Variants in NR1D2 observed in about 807,000 individuals in gnomAD.
The protein encoded by NR1D2 is nuclear receptor subfamily 1 group D member 2, also known as V-erbA-related protein 1-related.
NR1D2 carries 25 observed loss-of-function variants against 52.2 expected under a neutral mutation model. The observed-to-expected ratio is 0.48, with a 90% CI of 0.35 to 0.67. NR1D2 has a LOEUF of 0.67. Among genes scored for constraint, NR1D2 ranks in the 30% least tolerant of loss-of-function variants. The pLI is 0.01. For synonymous variants in NR1D2, 259 were observed against 230.1 expected, an observed-to-expected ratio of 1.13 and a Z score of -1.14; for missense variants, 681 against 707.2, an observed-to-expected ratio of 0.96 and a Z score of 0.42.
At chr3:23,956,283 G>A (rs557996511) in intron 3 of NR1D2, among the ~76,000 whole-genome samples, 158 bp downstream of exon 3, 60 of 152,320 alleles carry the variant, frequency 3.9e-4, no homozygotes, top group African/African-American at 1.2e-3. Context: ...AGCATAACTT[G>A]TTTTGAATAA....
Position 23,977,223 on chromosome 3 carries a change from A to G in NR1D2, c.1544A>G (p.Asp515Gly), listed in dbSNP as rs1247822160. 1 of 1,566,036 alleles carries G rather than the reference A, an allele frequency of 6.4e-7. No individual in the cohort carries two copies. Among genetic ancestry groups the G allele is most frequent in the Non-Finnish European group, 8.6e-7 (1 of 1,156,992 alleles). ...TTTCCCTATTCCTGATCTCTCTTAG[A>G]TCGATCTGGAATAGAAAACGTCAAC... ...LFTAVVLVSA[D>G]RSGIENVNSV... Residue 515 changes from aspartate to glycine, a missense_variant and splice_region_variant, in exon 8 of 8, where the codon GAT becomes GGT. By Grantham distance (94) the Asp-to-Gly change is moderately conservative. This residue lies in a region of NR1D2 where 475 missense variants were observed against 454.5 expected (regional missense o/e 1.05). Coordinates refer to ENST00000312521, the MANE Select transcript of NR1D2 (RefSeq NM_005126.5).
chr3:23,948,271 CCTTCGTGACATCTCTATGT>C (rs1268420027), intron 1 of NR1D2, among the ~76,000 whole-genome samples: 3 of 152,168 alleles, frequency 2.0e-5, no homozygotes, highest in East Asian at 3.8e-4. Context: ...ATCTTACTGT[CCTTCGTGACATCTCTATGT>C]CTCCTCGCCC....
At chr3:23,968,332 G>A (rs945252148) in intron 7 of NR1D2, among the ~76,000 whole-genome samples, 3 of 152,134 alleles carry the variant, frequency 2.0e-5, no homozygotes, top group Middle Eastern at 3.2e-3. Flanking sequence ...AGAACATTAT[G>A]TATCTCCAGG....
At chr3:23,950,013 C>A (rs1344624674) in intron 1 of NR1D2, among the ~76,000 whole-genome samples, 1 of 152,194 alleles carries the variant, frequency 6.6e-6, no homozygotes, top group South Asian at 2.1e-4. Flanking sequence ...TCCCTTTCAA[C>A]TGAAAATAGA....
intron 1 of NR1D2, among the ~76,000 whole-genome samples, 163 bp downstream of exon 1, chr3:23,945,757 G>C (rs1344547979): frequency 6.7e-6 from 1 of 150,196 alleles, no homozygotes; most frequent in African/African-American, 2.4e-5. Context: ...ATCGCCCCCC[G>C]GGCCGCCCGG....
intron 4 of NR1D2, among the ~76,000 whole-genome samples, chr3:23,960,919 C>T (rs1706218943): frequency 6.6e-6 from 1 of 152,114 alleles, no homozygotes. Flanking sequence ...TGTGTAAATA[C>T]TAGACTGTGA....
intron 2 of NR1D2, among the ~76,000 whole-genome samples, chr3:23,955,440 T>A (rs1706057270): frequency 6.6e-6 from 1 of 152,170 alleles, no homozygotes; most frequent in African/African-American, 2.4e-5. Context: ...GGAAAAAAAA[T>A]AAATTTACAA....
intron 4 of NR1D2, among the ~76,000 whole-genome samples, chr3:23,960,376 A>T (rs1441633170): frequency 1.3e-5 from 2 of 151,972 alleles, no homozygotes; most frequent in Non-Finnish European, 2.9e-5. Flanking sequence ...CTGCACTCTA[A>T]CCTGGGTGAC....
At chr3:23,969,232 G>A (rs184326057) in intron 7 of NR1D2, among the ~76,000 whole-genome samples, 9 of 150,608 alleles carry the variant, frequency 6.0e-5, no homozygotes, top group Non-Finnish European at 1.3e-4. Context: ...GTGGCCGTGA[G>A]CCGAGATCAC....
chr3:23,956,360 C>T (rs1014653829), intron 3 of NR1D2, among the ~76,000 whole-genome samples: 1 of 152,072 alleles, frequency 6.6e-6, no homozygotes, highest in South Asian at 2.1e-4. Flanking sequence ...TTTGCTATCT[C>T]AATTAAACAT....
chr3:23,957,241 G>C (rs917077028), intron 3 of NR1D2, among the ~76,000 whole-genome samples: 6 of 151,578 alleles, frequency 4.0e-5, no homozygotes, highest in Non-Finnish European at 7.4e-5. Flanking sequence ...CCTCGGCTTC[G>C]CAAAGTGCTG....
chr3:23,957,383 TATATA>T (rs1391602082), intron 3 of NR1D2, among the ~76,000 whole-genome samples: 12 of 129,156 alleles, frequency 9.3e-5, no homozygotes, highest in African/African-American at 3.6e-4. Context: ...TCTCCTTCTC[TATATA>T]TCTTTTTTTT....
intron 7 of NR1D2, among the ~76,000 whole-genome samples, chr3:23,974,772 T>C (rs1182772658): frequency 6.6e-6 from 1 of 151,922 alleles, no homozygotes; most frequent in African/African-American, 2.4e-5. Context: ...AGTAGTTTTG[T>C]CTGAAAAATT....
chr3:23,961,858 A>G, intron 4 of NR1D2, 119 bp from the exon 5 acceptor site: 2 of 912,264 alleles, frequency 2.2e-6, no homozygotes, highest in Non-Finnish European at 3.2e-6. Context: ...AGAGACATGT[A>G]GACTCATTCT....
At chr3:23,964,805 C>G in intron 5 of NR1D2, 172 bp from the exon 6 acceptor site, 1 of 497,200 alleles carries the variant, frequency 2.0e-6, no homozygotes, top group Non-Finnish European at 3.5e-6. Context: ...TGCCAAGAGG[C>G]TTTCTACAGT....
At chr3:23,950,846 ACCAATTTTTAAG>A (rs1291315600) in intron 1 of NR1D2, among the ~76,000 whole-genome samples, 2 of 151,296 alleles carry the variant, frequency 1.3e-5, no homozygotes, top group Non-Finnish European at 2.9e-5. Context: ...AGTGCTTGCA[ACCAATTTTTAAG>A]CCATCTGCAT....
intron 1 of NR1D2, among the ~76,000 whole-genome samples, chr3:23,952,528 G>GGT (rs1337355059): frequency 1.3e-5 from 2 of 151,746 alleles, no homozygotes; most frequent in Non-Finnish European, 2.9e-5. Context: ...TGGGCAACAT[G>GGT]GTGAAACCCT....
chr3:23,964,091 T>C (rs1706371919), intron 5 of NR1D2, among the ~76,000 whole-genome samples: 1 of 151,708 alleles, frequency 6.6e-6, no homozygotes, highest in Admixed American at 6.6e-5. Flanking sequence ...TCTTTTTTTT[T>C]TTTTCGAGAC....
chr3:23,958,371 G>T (rs1393397392), intron 3 of NR1D2, among the ~76,000 whole-genome samples: 1 of 152,166 alleles, frequency 6.6e-6, no homozygotes, highest in Non-Finnish European at 1.5e-5. Context: ...TTTAGGCTGG[G>T]TGCAGTGGCT....
Sources: gnomAD v4.1 joint callset for allele counts (sites outside exome capture counted in the v4.1 genomes callset) on GRCh38, gnomAD v4.1.1 for gene constraint, gnomAD v4.1.1 regional missense constraint, MANE v1.5 for transcripts, NCBI Gene and HGNC (gene_info 2026-07-23, HGNC 2026-07-21) for gene names.